KIF2C: variants seen among roughly 807,000 people sequenced by gnomAD.
KIF2C encodes kinesin-like protein KIF2C.
A neutral mutation model predicts 97.4 loss-of-function variants in KIF2C; 34 were observed. The observed-to-expected ratio is 0.35, with a 90% CI of 0.27 to 0.46. KIF2C has a LOEUF of 0.46. KIF2C is among the 20% of genes least tolerant of loss of function. The pLI is 1.00. For synonymous variants in KIF2C, 313 were observed against 318.2 expected (o/e 0.98, Z 0.17); for missense variants, 750 against 907.6 (o/e 0.83, Z 2.23).
rs373237209 is a variant in KIF2C at position 44,762,233 on chromosome 1, G to A, written c.1752-113G>A. The A allele has an allele frequency of 2.3e-5, 24 of 1,033,716 alleles. No homozygotes were observed. The South Asian group carries it at 2.9e-4, about 13-fold the overall frequency. The allele number at this position is 1,033,716 out of a possible 1,614,324, so 64.0% of individuals were successfully genotyped here. Reference sequence around the variant, plus strand: ...TTTCTCTCTCCTTGGCTGAAGGCAAGGTTGCCATTCCATCCCCTTGGAGCC... The same window carrying A: ...TTTCTCTCTCCTTGGCTGAAGGCAAAGTTGCCATTCCATCCCCTTGGAGCC... On this transcript the variant is annotated intron_variant, in intron 17 of 20. Coordinates refer to ENST00000372224, the MANE Select transcript of KIF2C (RefSeq NM_006845.4).
Position 44,747,850 on chromosome 1 carries a change from G to T in KIF2C, c.316+150G>T, listed in dbSNP as rs1190224527. ...TCCAAGCATCTTTCTCTATGAGAAAGAATCCAATCTACAGCTATCAGGCCA... is the reference window on the plus strand; with the variant it reads ...TCCAAGCATCTTTCTCTATGAGAAATAATCCAATCTACAGCTATCAGGCCA... On this transcript the variant is annotated intron_variant, in intron 4 of 20. Transcript: ENST00000372224. The T allele has an allele frequency of 4.3e-6, 3 of 694,380 alleles. No homozygotes were observed. The East Asian group carries it at 8.2e-5, about 19-fold the overall frequency. 43.0% of individuals were successfully genotyped at this position (694,380 alleles called of 1,614,324 possible). A position where few individuals can be genotyped will look rare whatever the true frequency, so the allele number is the denominator to read the frequency against.
In KIF2C at chr1:44,760,677, T is replaced by C. The variant is rs377459592; in HGVS notation, c.1658T>C (p.Ile553Thr). ...KLTQVLRDSF[I>T]GENSRTCMIA... ...ACACAGGTGCTGAGGGACTCCTTCA[T>C]TGGGGAGAACTCTAGGACTTGCATG... Residue 553 changes from isoleucine (I) to threonine (T), a missense_variant, in exon 16 of 21, where the codon ATT becomes ACT. By Grantham distance (89) the Ile-to-Thr change is moderately conservative (BLOSUM62 -1). Coordinates refer to ENST00000372224, the MANE Select transcript of KIF2C (RefSeq NM_006845.4). This position sits in a 1 kb window ranked among gnomAD's most constrained non-coding sequence, Gnocchi z 4.2. The C allele has an allele frequency of 5.0e-5, 80 of 1,613,928 alleles. No homozygotes were observed. Among genetic ancestry groups the C allele is most frequent in the East Asian group, 1.1e-4 (5 of 44,888 alleles).
chr1:44,746,629 G>A (rs1649208217), intron 2 of KIF2C: 1 of 1,496,860 alleles, frequency 6.7e-7, no homozygotes, highest in Non-Finnish European at 8.9e-7. Flanking sequence ...ATCAGCAGGG[G>A]AGCCAAGTGG....
At chr1:44,746,758 T>C in intron 2 of KIF2C, 1 of 1,609,276 alleles carries the variant, frequency 6.2e-7, no homozygotes, top group Non-Finnish European at 8.5e-7. Flanking sequence ...TCCATCTAGA[T>C]GGTAAACCAT....
At chr1:44,744,234 A>G (rs528937360) in intron 2 of KIF2C, among the ~76,000 whole-genome samples, 2 of 152,114 alleles carry the variant, frequency 1.3e-5, no homozygotes, top group African/African-American at 2.4e-5. Context: ...CAGTCTCCCA[A>G]GTAGCTGGGA....
chr1:44,755,851 G>A, intron 8 of KIF2C, 78 bp from the exon 9 acceptor site: 2 of 1,364,066 alleles, frequency 1.5e-6, no homozygotes, highest in South Asian at 1.2e-5. Context: ...ATTGGAAGGG[G>A]TGGGAGTTCT....
intron 2 of KIF2C, among the ~76,000 whole-genome samples, chr1:44,745,812 G>C (rs1163554902): frequency 1.3e-5 from 2 of 151,810 alleles, no homozygotes; most frequent in Admixed American, 6.6e-5. Flanking sequence ...CCCCCTGTAG[G>C]CTGCTGTCTT....
chr1:44,749,286 T>C (rs1649382395), intron 4 of KIF2C, among the ~76,000 whole-genome samples: 1 of 151,790 alleles, frequency 6.6e-6, no homozygotes, highest in East Asian at 1.9e-4. Context: ...ATACAAAAAT[T>C]AGCCAGGCGT....
intron 19 of KIF2C, among the ~76,000 whole-genome samples, chr1:44,763,699 C>CAA (rs1159057311): frequency 1.3e-5 from 2 of 152,042 alleles, no homozygotes; most frequent in Non-Finnish European, 2.9e-5. Context: ...TTGAGAAAAG[C>CAA]AAAGGTAGAG....
chr1:44,765,959 G>A (rs887422250), intron 19 of KIF2C, among the ~76,000 whole-genome samples: 5 of 152,176 alleles, frequency 3.3e-5, no homozygotes, highest in African/African-American at 9.7e-5. Context: ...GGCTGAGGCA[G>A]GAGAATCACT....
chr1:44,741,089 C>A, intron 2 of KIF2C, 82 bp downstream of exon 2: 1 of 1,085,330 alleles, frequency 9.2e-7, no homozygotes, highest in Non-Finnish European at 1.4e-6. Context: ...CTGTGAGAGC[C>A]TAGTTTCTGA....
intron 19 of KIF2C, among the ~76,000 whole-genome samples, chr1:44,766,158 G>A (rs538006067): frequency 5.3e-5 from 8 of 152,260 alleles, no homozygotes; most frequent in Non-Finnish European, 7.4e-5. Context: ...CCTGGGAGGC[G>A]GAGGTTGCAG....
chr1:44,760,766 CTT>C lies in KIF2C; in HGVS notation c.1683+65_1683+66del. ...GACAGAGTTGCTTTCCACAGAGACA[CTT>C]AGTCCTGTCCCTGGGCTGGAAGCTC... On this transcript the variant is annotated intron_variant, in intron 16 of 20. Coordinates refer to ENST00000372224, the MANE Select transcript of KIF2C (RefSeq NM_006845.4). This position sits in a 1 kb window ranked among gnomAD's most constrained non-coding sequence, Gnocchi z 4.2. 7.6e-7 allele frequency: 1 copy of C among 1,313,064 alleles called. No homozygotes were observed. Among genetic ancestry groups the C allele is most frequent in the Non-Finnish European group, 1.1e-6 (1 of 914,448 alleles). 81.3% of individuals were successfully genotyped at this position (1,313,064 alleles called of 1,614,324 possible). A position where few individuals can be genotyped will look rare whatever the true frequency, so the allele number is the denominator to read the frequency against.
intron 4 of KIF2C, among the ~76,000 whole-genome samples, chr1:44,749,570 A>C (rs1011313368): frequency 6.6e-6 from 1 of 152,086 alleles, no homozygotes; most frequent in African/African-American, 2.4e-5. Context: ...TGGGCAATAT[A>C]GCAAGACTCA....
intron 2 of KIF2C, among the ~76,000 whole-genome samples, chr1:44,742,123 G>A (rs1461167392): frequency 6.7e-6 from 1 of 148,270 alleles, no homozygotes; most frequent in Non-Finnish European, 1.5e-5. Flanking sequence ...TTGTTTGTTT[G>A]TTTTGAGACA....
intron 10 of KIF2C, among the ~76,000 whole-genome samples, chr1:44,757,152 G>A (rs1327205890): frequency 2.0e-5 from 3 of 152,040 alleles, no homozygotes; most frequent in Non-Finnish European, 4.4e-5. Flanking sequence ...CCTGAGTTCA[G>A]GTGATCCACA....
chr1:44,765,092 C>G (rs1650382413), intron 19 of KIF2C, among the ~76,000 whole-genome samples: 2 of 152,058 alleles, frequency 1.3e-5, no homozygotes, highest in Admixed American at 1.3e-4. Context: ...TGCACTCCAG[C>G]CTGGGCAACA....
At chr1:44,748,766 C>CA (rs1649353276) in intron 4 of KIF2C, among the ~76,000 whole-genome samples, 1 of 142,584 alleles carries the variant, frequency 7.0e-6, no homozygotes, top group African/African-American at 2.7e-5. Flanking sequence ...GGGCTGGTCT[C>CA]AAACTCCTGG....
At chr1:44,759,177 C>G (rs1329554045) in intron 13 of KIF2C, 29 bp from the exon 14 acceptor site, 3 of 1,613,146 alleles carry the variant, frequency 1.9e-6, no homozygotes, top group East Asian at 2.2e-5. Context: ...GCCCAGTGGC[C>G]TTAGCCTCAT....
Sources: allele counts gnomAD v4.1 joint callset (sites outside exome capture counted in the v4.1 genomes callset), GRCh38; gene constraint gnomAD v4.1.1; non-coding constraint Gnocchi (gnomAD v3.1); transcripts MANE v1.5; gene names NCBI Gene and HGNC (gene_info 2026-07-23, HGNC 2026-07-21).